ERC2: variants seen among roughly 807,000 people sequenced by gnomAD.
ERC2 encodes the protein ERC protein 2.
In ERC2, 42 loss-of-function variants were observed where a neutral mutation model predicts 114.8. The ratio of observed to expected loss-of-function variants is 0.37; its 90% CI spans 0.29 to 0.47. The LOEUF (loss-of-function observed/expected upper bound fraction) is 0.47, where lower values mean the gene tolerates loss of function less well. Among genes scored for constraint, ERC2 ranks in the 20% least tolerant of loss-of-function variants. The probability of loss-of-function intolerance (pLI) is 0.99; values close to 1 mark genes in which losing one functional copy is unlikely to be tolerated. For missense variants in ERC2, 939 were observed against 1,150.7 expected, an observed-to-expected ratio of 0.82 and a Z score of 2.66; for synonymous variants, 454 against 425.5, an observed-to-expected ratio of 1.07 and a Z score of -0.82.
intron 7 of ERC2, among the ~76,000 whole-genome samples, chr3:56,023,774 TGAAGGAAGGAAG>T (rs58820385): frequency 1.5e-5 from 2 of 131,772 alleles, no homozygotes; most frequent in African/African-American, 2.7e-5. Context: ...AAAAAAGGAA[TGAAGGAAGGAAG>T]GAAGGAAGGA....
intron 1 of ERC2, among the ~76,000 whole-genome samples, chr3:56,460,741 A>T (rs1278773131): frequency 6.6e-6 from 1 of 152,220 alleles, no homozygotes; most frequent in Non-Finnish European, 1.5e-5. Context: ...ATACTTCACA[A>T]ATCAATCACT....
At chr3:55,803,075 T>C (rs546577871) in intron 14 of ERC2, among the ~76,000 whole-genome samples, 1 of 152,186 alleles carries the variant, frequency 6.6e-6, no homozygotes, top group Admixed American at 6.6e-5. Context: ...ATGGTGGTGA[T>C]ACTAAACAAA....
At chr3:56,148,173 AT>A (rs1212486081) in intron 5 of ERC2, among the ~76,000 whole-genome samples, 1 of 152,342 alleles carries the variant, frequency 6.6e-6, no homozygotes, top group Admixed American at 6.5e-5. Flanking sequence ...TCTTATCCCT[AT>A]TTCACGGATA....
At chr3:55,901,427 G>C (rs1045634895) in intron 13 of ERC2, among the ~76,000 whole-genome samples, 1 of 152,160 alleles carries the variant, frequency 6.6e-6, no homozygotes, top group Non-Finnish European at 1.5e-5. Flanking sequence ...AGCTCATGGA[G>C]TTGAAAGATT....
chr3:55,576,818 A>T (rs2057006998), intron 17 of ERC2, among the ~76,000 whole-genome samples: 1 of 152,240 alleles, frequency 6.6e-6, no homozygotes, highest in African/African-American at 2.4e-5. Context: ...AAGTGGCAAC[A>T]AGAGTCAGTC....
chr3:55,866,612 T>C (rs1286499119), intron 14 of ERC2, among the ~76,000 whole-genome samples: 2 of 152,198 alleles, frequency 1.3e-5, no homozygotes, highest in Non-Finnish European at 2.9e-5. Context: ...TACATTTAGG[T>C]CTATGATCCA....
rs1560058504 is a variant in ERC2, at chr3:56,033,046, A to AAC, written c.1642-14016_1642-14015insGT. On this transcript the variant is annotated intron_variant, in intron 7 of 17. Coordinates refer to ENST00000288221, the MANE Select transcript of ERC2 (RefSeq NM_015576.3). ...AAAAAGAAACAGAAAGAAAGAAAGA[A>AAC]AGAAAGAAAGAAAGAAAGAAAGAAA... Among the ~76,000 whole-genome samples the AAC allele has an allele frequency of 8.1e-3, 766 of 94,664 alleles. 4 individuals carry two copies. The highest frequency in any genetic ancestry group is 0.014 in the South Asian group (42 of 2,906). 62.1% of individuals were successfully genotyped at this position (94,664 alleles called of 152,430 possible). A position where few individuals can be genotyped will look rare whatever the true frequency, so the allele number is the denominator to read the frequency against.
At chr3:56,129,812 T>C (rs894874513) in intron 6 of ERC2, among the ~76,000 whole-genome samples, 8 of 152,190 alleles carry the variant, frequency 5.3e-5, no homozygotes, top group Non-Finnish European at 1.0e-4. Context: ...TCGATACCTC[T>C]ACACCCCAAA....
At chr3:56,335,864 C>T (rs775895727) in intron 2 of ERC2, among the ~76,000 whole-genome samples, 7 of 151,934 alleles carry the variant, frequency 4.6e-5, no homozygotes, top group South Asian at 2.1e-4. Flanking sequence ...GCCAAGTGTG[C>T]GGGACTTGGG....
At chr3:56,055,539 G>A (rs373062332) in intron 7 of ERC2, among the ~76,000 whole-genome samples, 2 of 152,124 alleles carry the variant, frequency 1.3e-5, no homozygotes, top group East Asian at 3.8e-4. Flanking sequence ...CTATTGTTCA[G>A]AGGAAATTTT....
At chr3:55,644,719 G>A (rs1019745053) in intron 17 of ERC2, among the ~76,000 whole-genome samples, 13 of 149,166 alleles carry the variant, frequency 8.7e-5, no homozygotes, top group African/African-American at 3.2e-4. Flanking sequence ...TAGATTTGGG[G>A]TTATTTATAT....
chr3:55,671,708 T>G (rs2061566363), intron 17 of ERC2, among the ~76,000 whole-genome samples: 1 of 152,230 alleles, frequency 6.6e-6, no homozygotes, highest in South Asian at 2.1e-4. Flanking sequence ...TCATCATTTT[T>G]GGCATGCGGT....
intron 7 of ERC2, among the ~76,000 whole-genome samples, chr3:56,053,993 T>C (rs2075889759): frequency 6.6e-6 from 1 of 152,136 alleles, no homozygotes; most frequent in African/African-American, 2.4e-5. Flanking sequence ...GCTGAGATCA[T>C]TTATTCAAAA....
rs550617413 is a variant in ERC2, at chr3:55,512,468, C to T, written c.*40-1192G>A. On this transcript the variant is annotated intron_variant, in intron 17 of 17. Coordinates refer to ENST00000288221, the MANE Select transcript of ERC2 (RefSeq NM_015576.3). ...CAGAGCACGCTTTCTGTTTCATGAG[C>T]TGTGCATAGCTCTAATTCTTTTGTG... Among the ~76,000 whole-genome samples, 4 of 152,232 alleles carry T rather than the reference C, an allele frequency of 2.6e-5. No homozygotes were observed. The South Asian group carries it at 6.3e-4, about 24-fold the overall frequency.
intron 2 of ERC2, among the ~76,000 whole-genome samples, chr3:56,310,015 G>T (rs111296128): frequency 2.0e-3 from 303 of 152,260 alleles, no homozygotes; most frequent in African/African-American, 6.7e-3. Context: ...AGACCAATTC[G>T]AAGATGGATA....
intron 3 of ERC2, among the ~76,000 whole-genome samples, chr3:56,236,498 G>A (rs2050955685): frequency 6.6e-6 from 1 of 152,136 alleles, no homozygotes; most frequent in African/African-American, 2.4e-5. Context: ...TGACTTATTT[G>A]TAGAGGAGGG....
At chr3:55,616,464 C>A (rs1392243353) in intron 17 of ERC2, among the ~76,000 whole-genome samples, 1 of 152,180 alleles carries the variant, frequency 6.6e-6, no homozygotes, top group Non-Finnish European at 1.5e-5. Flanking sequence ...ATAGCTACAT[C>A]TTGTCAAAAA....
intron 13 of ERC2, among the ~76,000 whole-genome samples, chr3:55,905,316 A>G (rs2064366361): frequency 6.6e-6 from 1 of 152,122 alleles, no homozygotes; most frequent in Non-Finnish European, 1.5e-5. Context: ...CCTGACCTCA[A>G]GCAATCCACC....
chr3:56,372,962 C>T (rs1354282499), intron 2 of ERC2, among the ~76,000 whole-genome samples: 1 of 152,164 alleles, frequency 6.6e-6, no homozygotes, highest in Non-Finnish European at 1.5e-5. Flanking sequence ...TATTCAGCAA[C>T]TAAAAAGTAA....
Sources: allele counts gnomAD v4.1 joint callset (sites outside exome capture counted in the v4.1 genomes callset), GRCh38; gene constraint gnomAD v4.1.1; transcripts MANE v1.5; gene names NCBI Gene and HGNC (gene_info 2026-07-23, HGNC 2026-07-21).